DAPL1: variants seen among roughly 807,000 people sequenced by gnomAD.
The protein encoded by DAPL1 is death-associated protein-like 1.
Under a neutral mutation model 12.9 loss-of-function variants are expected in DAPL1, and 17 were observed. That is an observed-to-expected ratio of 1.32 (90% CI 0.90 to 1.98). The LOEUF (loss-of-function observed/expected upper bound fraction) is 1.98, where lower values mean the gene tolerates loss of function less well. Ranked by LOEUF, DAPL1 falls within the 30% of genes most tolerant of loss-of-function variation. The pLI, the probability that DAPL1 is intolerant of heterozygous loss-of-function variation, is 0.00. For synonymous variants in DAPL1, 51 were observed against 42.0 expected, an observed-to-expected ratio of 1.21 and a Z score of -0.82; for missense variants, 157 against 125.7, an observed-to-expected ratio of 1.25 and a Z score of -1.19.
At position 158,815,838 on chromosome 2, in the gene DAPL1, C is replaced by A; in HGVS notation, c.*17C>A. ...AAATGTTAAGCCTGGATTTAAAACACAGCCGTCTGGCCAGCTGCCTCGAAT... is the reference window on the plus strand; with the variant it reads ...AAATGTTAAGCCTGGATTTAAAACAAAGCCGTCTGGCCAGCTGCCTCGAAT... On this transcript the variant is annotated 3_prime_UTR_variant, in exon 4 of 4. Transcript: ENST00000309950. 1 of 1,565,964 alleles carries A rather than the reference C, an allele frequency of 6.4e-7. No individual in the cohort carries two copies. The highest frequency in any genetic ancestry group is 1.1e-5 in the South Asian group (1 of 90,070).
chr2:158,813,756 C>G (rs182460312), intron 3 of DAPL1, among the ~76,000 whole-genome samples: 1 of 152,052 alleles, frequency 6.6e-6, no homozygotes, highest in Admixed American at 6.5e-5. Flanking sequence ...GGGGTTTCAC[C>G]GTGTTAGCCA....
At chr2:158,807,743 G>C (rs1391069282) in intron 3 of DAPL1, 2 of 152,340 alleles carry the variant, frequency 1.3e-5, no homozygotes, top group African/African-American at 4.8e-5. Flanking sequence ...CACCTCCCGG[G>C]TTCAAGTGGT....
intron 1 of DAPL1, among the ~76,000 whole-genome samples, chr2:158,803,802 CT>C (rs1249434510): frequency 2.6e-5 from 4 of 152,130 alleles, no homozygotes; most frequent in African/African-American, 9.7e-5. Context: ...CCTTTTATCA[CT>C]GTGTGCCCTG....
intron 3 of DAPL1, among the ~76,000 whole-genome samples, chr2:158,808,165 A>C (rs1452435177): frequency 6.6e-6 from 1 of 152,232 alleles, no homozygotes; most frequent in Non-Finnish European, 1.5e-5. Context: ...CGTTGGACAA[A>C]GTGTCCTCTG....
chr2:158,796,531 C>T (rs1288444526), intron 1 of DAPL1, among the ~76,000 whole-genome samples: 1 of 152,094 alleles, frequency 6.6e-6, no homozygotes, highest in Non-Finnish European at 1.5e-5. Flanking sequence ...TTTAACATTA[C>T]CTATATTTAA....
At position 158,804,313 on chromosome 2, in the gene DAPL1, A is replaced by G. The variant is rs1165509922; in HGVS notation, c.90A>G (p.Lys30=). Residue 30 remains lysine, a synonymous_variant, in exon 2 of 4, where the codon AAA becomes AAG. Transcript: ENST00000309950. ...VKAGGMRISK[K]QEIGTLERHT... ...CTGGAGGAATGAGAATTTCCAAAAA[A>G]CAAGAAATTGGCACCTTGGAAAGAC... 1.9e-6 allele frequency: 3 copies of G among 1,611,604 alleles called. No homozygotes were observed. In the South Asian group the frequency reaches 3.3e-5, roughly 18 times the overall value.
chr2:158,814,294 A>C (rs1421324128), intron 3 of DAPL1, among the ~76,000 whole-genome samples: 1 of 152,232 alleles, frequency 6.6e-6, no homozygotes, highest in Non-Finnish European at 1.5e-5. Flanking sequence ...CCTGACAAAA[A>C]AAAAAGTCAT....
At chr2:158,797,851 A>T (rs1446688780) in intron 1 of DAPL1, among the ~76,000 whole-genome samples, 1 of 152,082 alleles carries the variant, frequency 6.6e-6, no homozygotes, top group Non-Finnish European at 1.5e-5. Context: ...CTATCTATGG[A>T]GCAGTCAATG....
intron 3 of DAPL1, among the ~76,000 whole-genome samples, chr2:158,809,560 G>C (rs1980154): frequency 0.91 from 137,862 of 151,992 alleles, 62,609 homozygotes; most frequent in Middle Eastern, 0.93. Flanking sequence ...CCTGGGGCAG[G>C]TTTCTTCACT....
At chr2:158,801,174 G>A (rs948508553) in intron 1 of DAPL1, among the ~76,000 whole-genome samples, 1 of 152,116 alleles carries the variant, frequency 6.6e-6, no homozygotes, top group Non-Finnish European at 1.5e-5. Flanking sequence ...AAACAATTTT[G>A]CTTCTATAGT....
chr2:158,796,703 A>G (rs553530452), intron 1 of DAPL1, among the ~76,000 whole-genome samples: 12 of 152,354 alleles, frequency 7.9e-5, no homozygotes, highest in Admixed American at 7.8e-4. Context: ...GTTTTGCTAA[A>G]CTACATTTAT....
chr2:158,795,508 G>C, intron 1 of DAPL1, 78 bp downstream of exon 1: 1 of 1,379,692 alleles, frequency 7.2e-7, no homozygotes, highest in Non-Finnish European at 1.0e-6. Flanking sequence ...GGAGCACCCC[G>C]ACAGACGGAA....
At chr2:158,809,120 C>A (rs984996786) in intron 3 of DAPL1, among the ~76,000 whole-genome samples, 3 of 151,902 alleles carry the variant, frequency 2.0e-5, no homozygotes, top group African/African-American at 7.2e-5. Flanking sequence ...CAGCACTTTG[C>A]GAGGCTGATG....
At chr2:158,798,797 G>T (rs1448504711) in intron 1 of DAPL1, among the ~76,000 whole-genome samples, 1 of 152,072 alleles carries the variant, frequency 6.6e-6, no homozygotes, top group Non-Finnish European at 1.5e-5. Flanking sequence ...AACTGTGAAT[G>T]CAAAGTGAGC....
At chr2:158,798,101 G>A (rs2059144705) in intron 1 of DAPL1, among the ~76,000 whole-genome samples, 1 of 152,166 alleles carries the variant, frequency 6.6e-6, no homozygotes, top group African/African-American at 2.4e-5. Context: ...GATATATGAT[G>A]AATAGAAAGA....
chr2:158,809,848 T>C (rs2059221398), intron 3 of DAPL1, among the ~76,000 whole-genome samples: 1 of 152,120 alleles, frequency 6.6e-6, no homozygotes, highest in Non-Finnish European at 1.5e-5. Context: ...TGTTTCCATA[T>C]AGCTAAGAAA....
intron 3 of DAPL1, among the ~76,000 whole-genome samples, chr2:158,813,766 A>G (rs764600874): frequency 2.0e-5 from 3 of 152,154 alleles, no homozygotes; most frequent in East Asian, 1.9e-4. Flanking sequence ...CGTGTTAGCC[A>G]GGATGGTCTC....
At chr2:158,800,374 C>G (rs1304363528) in intron 1 of DAPL1, among the ~76,000 whole-genome samples, 2 of 152,174 alleles carry the variant, frequency 1.3e-5, no homozygotes, top group African/African-American at 4.8e-5. Flanking sequence ...CTGTACCTTT[C>G]TAGAACTCTT....
intron 3 of DAPL1, among the ~76,000 whole-genome samples, chr2:158,813,891 C>T (rs1015688641): frequency 1.3e-5 from 2 of 152,118 alleles, no homozygotes; most frequent in African/African-American, 4.8e-5. Context: ...CACCCATCAT[C>T]TCTTTCACAC....
Sources: gnomAD v4.1 joint callset for allele counts (sites outside exome capture counted in the v4.1 genomes callset) on GRCh38, gnomAD v4.1.1 for gene constraint, MANE v1.5 for transcripts, NCBI Gene and HGNC (gene_info 2026-07-23, HGNC 2026-07-21) for gene names.